Variants in HAUS1 observed in about 807,000 individuals in gnomAD.
HAUS1 encodes the protein HAUS augmin like complex subunit 1.
Under a neutral mutation model 38.6 loss-of-function variants are expected in HAUS1, and 25 were observed. That is an observed-to-expected ratio of 0.65 (90% CI 0.47 to 0.91). HAUS1 has a LOEUF of 0.91. Ranked by LOEUF, HAUS1 falls within the 40% of genes least tolerant of loss-of-function variation. The pLI is 0.00. For missense variants in HAUS1, 325 were observed against 328.4 expected, an observed-to-expected ratio of 0.99 and a Z score of 0.08; for synonymous variants, 109 against 112.9, an observed-to-expected ratio of 0.97 and a Z score of 0.22.
At chr18:46,120,163 A>G (rs1471777713) in intron 4 of HAUS1, 103 bp downstream of exon 4, 2 of 736,138 alleles carry the variant, frequency 2.7e-6, no homozygotes, top group Non-Finnish European at 4.4e-6. Context: ...AAACATTAGG[A>G]AATGGGATCC....
chr18:46,115,842 C>T (rs937909054), intron 2 of HAUS1, among the ~76,000 whole-genome samples: 3 of 152,062 alleles, frequency 2.0e-5, no homozygotes, highest in Non-Finnish European at 2.9e-5. Flanking sequence ...ACAGGCTGGG[C>T]ATTGTGGCTC....
intron 6 of HAUS1, among the ~76,000 whole-genome samples, chr18:46,124,308 G>A (rs1013046055): frequency 6.6e-6 from 1 of 151,798 alleles, no homozygotes; most frequent in African/African-American, 2.4e-5. Context: ...TACTCAGGAG[G>A]CTGAGGCAGG....
chr18:46,104,469 G>T (rs765120886), intron 1 of HAUS1, 28 bp downstream of exon 1: 1 of 1,460,268 alleles, frequency 6.8e-7, no homozygotes, highest in South Asian at 1.4e-5. Flanking sequence ...GGGATCGTTG[G>T]CCTCCTGGAA....
chr18:46,121,381 G>A (rs1214870022), intron 4 of HAUS1, among the ~76,000 whole-genome samples: 3 of 151,342 alleles, frequency 2.0e-5, no homozygotes, highest in East Asian at 2.0e-4. Context: ...TAGCAGAGAC[G>A]GGGTTTCACC....
In HAUS1 at chr18:46,123,358, A is replaced by C. The variant is rs545741771; in HGVS notation, c.660A>C (p.Leu220=). ...ASLSHQSLVA[L]SEKLARLKQQ... ...TGTCTCATCAGTCCTTAGTAGCACT[A>C]TCAGAGGTGAGCTTATTTTAACCTA... The change falls in exon 6 of 9, where the codon CTA becomes CTC. Residue 220 remains leucine, a synonymous_variant. Transcript: ENST00000282058. The C allele has an allele frequency of 1.2e-6, 2 of 1,602,866 alleles. No individual in the cohort carries two copies. The highest frequency in any genetic ancestry group is 2.7e-5 in the African/African-American group (2 of 74,678).
intron 2 of HAUS1, among the ~76,000 whole-genome samples, chr18:46,112,892 AT>A (rs1248544137): frequency 9.1e-6 from 1 of 110,468 alleles, no homozygotes; most frequent in Non-Finnish European, 1.6e-5. Flanking sequence ...GTGTATATAT[AT>A]TCCATATTAT....
chr18:46,113,525 A>G (rs1048739490), intron 2 of HAUS1, among the ~76,000 whole-genome samples: 1 of 151,940 alleles, frequency 6.6e-6, no homozygotes, highest in Non-Finnish European at 1.5e-5. Flanking sequence ...CTCTTCATTG[A>G]TATTCTTTAT....
At chr18:46,125,715 A>G (rs768424961) in intron 7 of HAUS1, 29 bp from the exon 8 acceptor site, 102 of 1,531,784 alleles carry the variant, frequency 6.7e-5, no homozygotes, top group Non-Finnish European at 8.9e-5. Flanking sequence ...AGGCAATATA[A>G]CCTTTCCTTG....
chr18:46,118,096 A>G lies in HAUS1; in HGVS notation c.206-85A>G, dbSNP rs557722620. ...TACATACCTTAGGTGGGTGGATTAT[A>G]TGCTATGTGAATTATGTCTTGATAA... On this transcript the variant is annotated intron_variant, in intron 2 of 8. Coordinates refer to ENST00000282058, the MANE Select transcript of HAUS1 (RefSeq NM_138443.4). The G allele has an allele frequency of 2.3e-5, 30 of 1,309,802 alleles. No individual in the cohort carries two copies. In the East Asian group the frequency reaches 6.2e-4, roughly 27 times the overall value. The allele number at this position is 1,309,802 out of a possible 1,614,324, so 81.1% of individuals were successfully genotyped here. A position where few individuals can be genotyped will look rare whatever the true frequency, so the allele number is the denominator to read the frequency against.
chr18:46,110,849 A>G (rs1911611332), intron 2 of HAUS1, among the ~76,000 whole-genome samples: 1 of 148,340 alleles, frequency 6.7e-6, no homozygotes, highest in Non-Finnish European at 1.5e-5. Context: ...TGTAAGTAAC[A>G]GGTAGTTTTT....
At chr18:46,108,271 CTT>C (rs1166729740) in intron 2 of HAUS1, among the ~76,000 whole-genome samples, 11 of 115,218 alleles carry the variant, frequency 9.5e-5, no homozygotes, top group Non-Finnish European at 3.6e-5. Context: ...GAATTTACTT[CTT>C]TTTTTTTTTT....
At chr18:46,124,935 C>G (rs780541454) in intron 7 of HAUS1, 42 bp downstream of exon 7, 6 of 1,123,120 alleles carry the variant, frequency 5.3e-6, no homozygotes, top group Non-Finnish European at 8.1e-6. Flanking sequence ...TTTCCTCCAA[C>G]CTTCCCTGAG....
intron 2 of HAUS1, among the ~76,000 whole-genome samples, chr18:46,111,766 G>T (rs1911639691): frequency 6.6e-6 from 1 of 151,596 alleles, no homozygotes; most frequent in Non-Finnish European, 1.5e-5. Context: ...CTAATTTCTT[G>T]TTATATTATT....
intron 2 of HAUS1, among the ~76,000 whole-genome samples, chr18:46,110,887 C>CTT (rs57307297): frequency 3.1e-5 from 3 of 96,046 alleles, no homozygotes; most frequent in Non-Finnish European, 2.2e-5. Context: ...TCAAGATTTT[C>CTT]TTTTTTTTTT....
Position 46,120,525 on chromosome 18 carries a change from C to T in HAUS1, c.476+465C>T, listed in dbSNP as rs1421398558. Among the ~76,000 whole-genome samples, 9 of 152,006 alleles carry T rather than the reference C, an allele frequency of 5.9e-5. No homozygotes were observed. The South Asian group carries it at 6.2e-4, about 11-fold the overall frequency. On this transcript the variant is annotated intron_variant, in intron 4 of 8. Transcript: ENST00000282058. Reference sequence around the variant, plus strand: ...CTGGGATTACAGGCGTGAGCCACTGCGCCCGGCCTGACTTTTTCAGCTTTT... The same window carrying T: ...CTGGGATTACAGGCGTGAGCCACTGTGCCCGGCCTGACTTTTTCAGCTTTT...
intron 2 of HAUS1, among the ~76,000 whole-genome samples, chr18:46,113,892 A>T (rs1327205485): frequency 6.6e-6 from 1 of 152,128 alleles, no homozygotes; most frequent in Non-Finnish European, 1.5e-5. Flanking sequence ...TAAACTCCTG[A>T]TGTTATCAGC....
chr18:46,118,005 G>A (rs1461183926), intron 2 of HAUS1, among the ~76,000 whole-genome samples, 176 bp from the exon 3 acceptor site: 4 of 152,164 alleles, frequency 2.6e-5, no homozygotes, highest in South Asian at 4.1e-4. Flanking sequence ...TCTTTTTGGA[G>A]TGATGAAAAT....
At chr18:46,115,070 A>G (rs968028198) in intron 2 of HAUS1, 3 of 152,188 alleles carry the variant, frequency 2.0e-5, no homozygotes, top group Non-Finnish European at 4.4e-5. Flanking sequence ...TTCAACGGAG[A>G]AAACAATAGC....
intron 2 of HAUS1, among the ~76,000 whole-genome samples, chr18:46,111,182 T>C (rs1911625437): frequency 1.3e-5 from 2 of 152,302 alleles, no homozygotes; most frequent in Non-Finnish European, 2.9e-5. Context: ...GATTTTCTTT[T>C]ACTTCAGCAT....
Sources: gnomAD v4.1 joint callset for allele counts (sites outside exome capture counted in the v4.1 genomes callset) on GRCh38, gnomAD v4.1.1 for gene constraint, MANE v1.5 for transcripts, NCBI Gene and HGNC (gene_info 2026-07-23, HGNC 2026-07-21) for gene names.